ANKRD30B: variants seen among roughly 807,000 people sequenced by gnomAD.
ANKRD30B encodes ankyrin repeat domain-containing protein 30B.
Under a neutral mutation model 202.2 loss-of-function variants are expected in ANKRD30B, and 144 were observed. The ratio of observed to expected loss-of-function variants is 0.71; its 90% CI spans 0.62 to 0.82. The LOEUF is 0.82. Ranked by LOEUF, ANKRD30B falls within the 40% of genes least tolerant of loss-of-function variation. ANKRD30B has a pLI of 0.00. For synonymous variants in ANKRD30B, 508 were observed against 561.3 expected, an observed-to-expected ratio of 0.91 and a Z score of 1.34; for missense variants, 1,487 against 1,669.1, an observed-to-expected ratio of 0.89 and a Z score of 1.90.
In ANKRD30B at chr18:14,769,481, G is replaced by A. The variant is rs943130186; in HGVS notation, c.1256+108G>A. The stretch of plus-strand genomic sequence containing the variant: ...CTCTGGGCTAGACAACATATTATGT[G>A]CTTAATATTTATCATCTCACATAGT... On this transcript the variant is annotated intron_variant, in intron 8 of 43. Coordinates refer to ENST00000690538, the MANE Select transcript of ANKRD30B (RefSeq NM_001367607.2). 1.6e-4 allele frequency: 138 copies of A among 838,190 alleles called. No individual in the cohort carries two copies. In the African/African-American group the frequency reaches 2.1e-3, roughly 13 times the overall value. 51.9% of individuals were successfully genotyped at this position (838,190 alleles called of 1,614,324 possible).
At chr18:14,937,621 C>G in the ANKRD30B span, among the ~76,000 whole-genome samples, 1 of 151,944 alleles carries the variant, frequency 6.6e-6, no homozygotes, top group Non-Finnish European at 1.5e-5. Context: ...CCAGGTTCCT[C>G]GAGCTTAATA....
At chr18:14,830,201 A>G in intron 33 of ANKRD30B, 1 of 154,634 alleles carries the variant, frequency 6.5e-6, no homozygotes, top group Middle Eastern at 5.2e-4. Context: ...AGACACTTTC[A>G]CTATATATAG....
intron 8 of ANKRD30B, among the ~76,000 whole-genome samples, chr18:14,770,503 G>A (rs1966923457): frequency 6.6e-6 from 1 of 152,086 alleles, no homozygotes; most frequent in Non-Finnish European, 1.5e-5. Flanking sequence ...TAAACAAATG[G>A]AAAAGGATAA....
At chr18:14,903,760 CTG>C in the ANKRD30B span, 2 of 152,196 alleles carry the variant, frequency 1.3e-5, no homozygotes, top group Admixed American at 6.5e-5. Context: ...AAGCCACCCT[CTG>C]TCTCTCTCCT....
At chr18:14,825,627 G>A (rs1321929614) in intron 32 of ANKRD30B, among the ~76,000 whole-genome samples, 1 of 151,494 alleles carries the variant, frequency 6.6e-6, no homozygotes, top group Admixed American at 6.6e-5. Context: ...GCAACCCCCC[G>A]GCCTTCCAAG....
the ANKRD30B span, among the ~76,000 whole-genome samples, chr18:14,923,228 G>T: frequency 1.2e-4 from 18 of 152,318 alleles, no homozygotes; most frequent in East Asian, 3.1e-3. Flanking sequence ...TTCAGGCCTT[G>T]GCTCTTGGAT....
At chr18:14,894,035 AT>A in the ANKRD30B span, among the ~76,000 whole-genome samples, 1 of 152,092 alleles carries the variant, frequency 6.6e-6, no homozygotes, top group African/African-American at 2.4e-5. Flanking sequence ...CACATTGACC[AT>A]TTAGCCTTGC....
chr18:14,872,182 A>G, the ANKRD30B span, among the ~76,000 whole-genome samples: 1 of 152,206 alleles, frequency 6.6e-6, no homozygotes, highest in Admixed American at 6.5e-5. Flanking sequence ...TCAGCCAGGA[A>G]GTCACTTCCT....
chr18:14,926,780 TAGTC>T, the ANKRD30B span, among the ~76,000 whole-genome samples: 31 of 151,950 alleles, frequency 2.0e-4, 1 homozygote, highest in East Asian at 5.3e-3. Context: ...AAAAACAAAT[TAGTC>T]AGGGTAGTGG....
At chr18:14,914,862 C>T in the ANKRD30B span, among the ~76,000 whole-genome samples, 1 of 152,118 alleles carries the variant, frequency 6.6e-6, no homozygotes. Context: ...ACATAGGGGT[C>T]TGAAGCTCAG....
intron 37 of ANKRD30B, among the ~76,000 whole-genome samples, chr18:14,841,888 C>G (rs1971433872): frequency 6.6e-6 from 1 of 152,128 alleles, no homozygotes; most frequent in Admixed American, 6.5e-5. Flanking sequence ...CTATTACTAT[C>G]AGGCATAAAA....
At chr18:14,805,986 C>A (rs575643782) in intron 24 of ANKRD30B, among the ~76,000 whole-genome samples, 2 of 150,312 alleles carry the variant, frequency 1.3e-5, no homozygotes, top group Non-Finnish European at 3.0e-5. Flanking sequence ...TTTGGGAGGC[C>A]GAGGCGGGCA....
At chr18:14,863,320 C>T in the ANKRD30B span, among the ~76,000 whole-genome samples, 3 of 152,092 alleles carry the variant, frequency 2.0e-5, no homozygotes, top group Non-Finnish European at 4.4e-5. Context: ...AGCTCCATCC[C>T]CTTGGTGATG....
At chr18:14,901,755 T>C in the ANKRD30B span, among the ~76,000 whole-genome samples, 48 of 152,350 alleles carry the variant, frequency 3.2e-4, no homozygotes, top group South Asian at 8.3e-4. Flanking sequence ...CTCTTTGTGA[T>C]AGGGCAATTA....
the ANKRD30B span, among the ~76,000 whole-genome samples, chr18:14,895,185 T>G: frequency 0.013 from 1,885 of 149,252 alleles, 40 homozygotes; most frequent in African/African-American, 0.045. Context: ...GGTACTATGC[T>G]CAGTACCTGG....
chr18:14,885,696 A>G, the ANKRD30B span, among the ~76,000 whole-genome samples: 2 of 152,002 alleles, frequency 1.3e-5, no homozygotes, highest in East Asian at 3.8e-4. Context: ...TAGAAACCCT[A>G]AGAATTTACC....
rs201798105 is a variant in ANKRD30B, at chr18:14,788,856, T to C, written c.1734+1756T>C. Among the ~76,000 whole-genome samples, 125 of 152,212 alleles carry C rather than the reference T, an allele frequency of 8.2e-4. 3 individuals carry two copies. In the East Asian group the frequency reaches 0.021, roughly 25 times the overall value. The stretch of plus-strand genomic sequence containing the variant: ...TGTGAATAGTGCCACAATAAACATA[T>C]GTGTGCATGTGTCTTTATAGCAGCA... On this transcript the variant is annotated intron_variant, in intron 15 of 43. Coordinates refer to ENST00000690538, the MANE Select transcript of ANKRD30B (RefSeq NM_001367607.2).
chr18:14,766,911 A>G (rs1025148543), intron 7 of ANKRD30B, among the ~76,000 whole-genome samples: 1 of 152,214 alleles, frequency 6.6e-6, no homozygotes, highest in African/African-American at 2.4e-5. Context: ...TGAAAAGCCA[A>G]TTAGATTTAA....
At chr18:14,778,539 C>A (rs1465778172) in intron 10 of ANKRD30B, among the ~76,000 whole-genome samples, 1 of 152,064 alleles carries the variant, frequency 6.6e-6, no homozygotes, top group Non-Finnish European at 1.5e-5. Context: ...GGTGGGAAGG[C>A]ATTAGGGATG....
Sources: gnomAD v4.1 joint callset for allele counts (sites outside exome capture counted in the v4.1 genomes callset) on GRCh38, gnomAD v4.1.1 for gene constraint, MANE v1.5 for transcripts, NCBI Gene and HGNC (gene_info 2026-07-23, HGNC 2026-07-21) for gene names.